Variants in TDRD7 observed in about 807,000 individuals in gnomAD.
TDRD7 encodes tudor domain-containing protein 7.
Under a neutral mutation model 109.8 loss-of-function variants are expected in TDRD7, and 47 were observed. The observed-to-expected ratio is 0.43, with a 90% CI of 0.34 to 0.55. The LOEUF (loss-of-function observed/expected upper bound fraction) is 0.55. Ranked by LOEUF, TDRD7 falls within the 20% of genes least tolerant of loss-of-function variation. The pLI, the probability that TDRD7 is intolerant of heterozygous loss-of-function variation, is 0.03. For missense variants in TDRD7, 1,164 were observed against 1,319.2 expected (o/e 0.88, Z 1.82); for synonymous variants, 424 against 457.3 (o/e 0.93, Z 0.93).
At chr9:97,439,805 G>C (rs1470137038) in intron 5 of TDRD7, among the ~76,000 whole-genome samples, 1 of 152,170 alleles carries the variant, frequency 6.6e-6, no homozygotes, top group Admixed American at 6.5e-5. Flanking sequence ...AATTCTTTGG[G>C]TAATAGAATC....
At chr9:97,443,466 C>T (rs985254811) in intron 6 of TDRD7, among the ~76,000 whole-genome samples, 5 of 152,166 alleles carry the variant, frequency 3.3e-5, no homozygotes, top group Admixed American at 6.5e-5. Flanking sequence ...GGTTAGTTCT[C>T]CTAATGGAAA....
At chr9:97,479,259 G>A (rs888947470) in intron 13 of TDRD7, among the ~76,000 whole-genome samples, 1 of 152,130 alleles carries the variant, frequency 6.6e-6, no homozygotes, top group African/African-American at 2.4e-5. Context: ...CATGGCTTTT[G>A]ACATGTCTCT....
intron 2 of TDRD7, among the ~76,000 whole-genome samples, chr9:97,429,136 G>A (rs1349165974): frequency 6.6e-6 from 1 of 152,026 alleles, no homozygotes; most frequent in African/African-American, 2.4e-5. Flanking sequence ...CATAACTACC[G>A]GGGCCTCCTT....
In TDRD7 at chr9:97,478,523, A is replaced by C. The variant is rs1171168935; in HGVS notation, c.2251A>C (p.Arg751=). ...GACATCTGTAAAAGTGTCAGAGCTC[A>C]GGGAAATTCCACCTCGGTTTCTACA... ...TVTSVKVSEL[R]EIPPRFLQEM... The change falls in exon 13 of 17, where the codon AGG becomes CGG. Residue 751 remains arginine (R), a synonymous_variant. Transcript: ENST00000355295. The C allele has an allele frequency of 1.2e-5, 19 of 1,613,968 alleles. No individual in the cohort carries two copies. In the Admixed American group the frequency reaches 2.7e-4, roughly 23 times the overall value.
chr9:97,418,854 C>T (rs1183158643), intron 1 of TDRD7, among the ~76,000 whole-genome samples: 2 of 152,158 alleles, frequency 1.3e-5, no homozygotes, highest in African/African-American at 2.4e-5. Context: ...CTGTCCACTC[C>T]TAATGTAGCT....
At position 97,432,146 on chromosome 9, in the gene TDRD7, A is replaced by T. The variant is rs1455185003; in HGVS notation, c.471A>T (p.Glu157Asp). The change falls in exon 4 of 17, where the codon GAA (glutamate) becomes GAT (aspartate). Residue 157 changes from glutamate to aspartate, a missense_variant. Glu to Asp is a conservative substitution (Grantham distance 45). Coordinates refer to ENST00000355295, the MANE Select transcript of TDRD7 (RefSeq NM_014290.3). ...GNSVGVKPDA[E>D]MSPYMLHTTL... is the part of the protein sequence containing the mutation. ...CTGTTGGAGTTAAGCCTGATGCTGA[A>T]ATGTCTCCTTATATGCTACACACAA... 1 of 1,613,886 alleles carries T rather than the reference A, an allele frequency of 6.2e-7. No homozygotes were observed. Among genetic ancestry groups the T allele is most frequent in the South Asian group, 1.1e-5 (1 of 91,086 alleles).
chr9:97,437,360 C>G (rs1828221097), intron 4 of TDRD7, among the ~76,000 whole-genome samples: 1 of 152,158 alleles, frequency 6.6e-6, no homozygotes, highest in Non-Finnish European at 1.5e-5. Flanking sequence ...TTCATTAGTC[C>G]CTAGGTGGCT....
chr9:97,465,098 T>C, intron 8 of TDRD7, 70 bp downstream of exon 8: 5 of 1,524,184 alleles, frequency 3.3e-6, no homozygotes, highest in South Asian at 1.2e-5. Context: ...TGTAAATATT[T>C]TTTACATTTT....
intron 6 of TDRD7, among the ~76,000 whole-genome samples, chr9:97,450,286 CAAAG>C (rs2118422851): frequency 6.6e-6 from 1 of 152,216 alleles, no homozygotes; most frequent in South Asian, 2.1e-4. Context: ...AGCCACAAAA[CAAAG>C]AAAACATGAA....
At chr9:97,494,702 ATATATATATATT>A (rs1829365227) in intron 16 of TDRD7, among the ~76,000 whole-genome samples, 1 of 94,636 alleles carries the variant, frequency 1.1e-5, no homozygotes, top group African/African-American at 3.8e-5. Flanking sequence ...ATGTATATAT[ATATATATATATT>A]TTTTTTTTTT....
chr9:97,429,321 C>A (rs1262896537), intron 2 of TDRD7, among the ~76,000 whole-genome samples: 1 of 152,208 alleles, frequency 6.6e-6, no homozygotes, highest in Non-Finnish European at 1.5e-5. Flanking sequence ...CTAGCAGCTT[C>A]ACTTCTTGGT....
chr9:97,430,873 C>T (rs1828092048), intron 2 of TDRD7, 60 bp from the exon 3 acceptor site: 1 of 1,608,292 alleles, frequency 6.2e-7, no homozygotes, highest in Admixed American at 1.7e-5. Context: ...TAAGAACTGG[C>T]CTCTAGGCAA....
chr9:97,492,146 G>A (rs912359799), intron 16 of TDRD7, among the ~76,000 whole-genome samples: 4 of 152,132 alleles, frequency 2.6e-5, no homozygotes, highest in African/African-American at 7.2e-5. Flanking sequence ...CTTCTCTGAT[G>A]GACCTAGGAG....
At chr9:97,466,662 G>A (rs919869832) in intron 8 of TDRD7, among the ~76,000 whole-genome samples, 1 of 152,196 alleles carries the variant, frequency 6.6e-6, no homozygotes, top group African/African-American at 2.4e-5. Flanking sequence ...AAACCTCACA[G>A]ATTTTGTGCT....
chr9:97,464,181 G>A (rs1828781292), intron 7 of TDRD7, among the ~76,000 whole-genome samples: 1 of 152,036 alleles, frequency 6.6e-6, no homozygotes, highest in African/African-American at 2.4e-5. Flanking sequence ...CATTTTCCAC[G>A]TCTCCTCCTC....
At chr9:97,431,996 G>T (rs1295892187) in intron 3 of TDRD7, 29 bp from the exon 4 acceptor site, 2 of 1,602,972 alleles carry the variant, frequency 1.2e-6, no homozygotes, top group Admixed American at 3.3e-5. Context: ...GATGCTAATT[G>T]ATTTCGTTAT....
chr9:97,464,258 C>A lies in TDRD7; in HGVS notation c.1443-584C>A, dbSNP rs898621615. ...ACACTATCGCTGCTTCCTGTTATGC[C>A]CTCTCGTTGTCTGGATTGCTCCACG... is the stretch of plus-strand genomic sequence containing the variant. On this transcript the variant is annotated intron_variant, in intron 7 of 16. Coordinates refer to ENST00000355295, the MANE Select transcript of TDRD7 (RefSeq NM_014290.3). Among the ~76,000 whole-genome samples the A allele has an allele frequency of 2.0e-5, 3 of 152,148 alleles. No homozygotes were observed. In the East Asian group the frequency reaches 5.8e-4, roughly 29 times the overall value.
intron 1 of TDRD7, among the ~76,000 whole-genome samples, chr9:97,422,257 T>C (rs1183578144): frequency 7.9e-5 from 12 of 152,110 alleles, no homozygotes; most frequent in African/African-American, 2.7e-4. Context: ...TAGCCAGGCA[T>C]GGTGGCACAT....
rs373308444 is a variant in TDRD7, at chr9:97,487,192, A to G, written c.2936A>G (p.Lys979Arg). The change falls in exon 16 of 17, where the codon AAA becomes AGA. Residue 979 changes from lysine to arginine, a missense_variant. This residue lies in a region of TDRD7 where 162 missense variants were observed against 222.5 expected (regional missense o/e 0.73). Transcript: ENST00000355295. ...VENKWHRVLL[K>R]GILTNGLVSV... ...TCTAGGTGGCACAGGGTGCTTTTAA[A>G]AGGAATCCTGACCAATGGACTGGTA... is the stretch of plus-strand genomic sequence containing the variant. The G allele has an allele frequency of 2.3e-5, 37 of 1,613,886 alleles. No individual in the cohort carries two copies. The highest frequency in any genetic ancestry group is 2.9e-5 in the Non-Finnish European group (34 of 1,179,900).
Sources: gnomAD v4.1 joint callset for allele counts (sites outside exome capture counted in the v4.1 genomes callset) on GRCh38, gnomAD v4.1.1 for gene constraint, gnomAD v4.1.1 regional missense constraint, MANE v1.5 for transcripts, NCBI Gene and HGNC (gene_info 2026-07-23, HGNC 2026-07-21) for gene names.